The following GPM6A variants were observed in gnomAD, a reference collection of about 807,000 sequenced individuals.
The protein encoded by GPM6A is neuronal membrane glycoprotein M6-a.
GPM6A carries 7 observed loss-of-function variants against 32.1 expected under a neutral mutation model. The ratio of observed to expected loss-of-function variants is 0.22; its 90% CI spans 0.12 to 0.41. GPM6A has a LOEUF of 0.41. Ranked by LOEUF, GPM6A falls within the 10% of genes least tolerant of loss-of-function variation. The probability of loss-of-function intolerance (pLI) is 1.00; values close to 1 mark genes in which losing one functional copy is unlikely to be tolerated. For missense variants in GPM6A, 235 were observed against 347.2 expected (o/e 0.68, Z 2.57); for synonymous variants, 130 against 123.4 (o/e 1.05, Z -0.35).
At chr4:175,999,605 T>A (rs2126474724) in intron 1 of GPM6A, among the ~76,000 whole-genome samples, 1 of 152,294 alleles carries the variant, frequency 6.6e-6, no homozygotes, top group South Asian at 2.1e-4. Flanking sequence ...GATTAACCAA[T>A]TACTCTCATT....
chr4:175,655,503 G>GAT (rs1354353713), intron 3 of GPM6A, among the ~76,000 whole-genome samples: 2 of 151,776 alleles, frequency 1.3e-5, no homozygotes, highest in Admixed American at 6.6e-5. Flanking sequence ...GCATATCATG[G>GAT]ATATATATAT....
At chr4:175,914,450 G>C (rs1256577776) in intron 1 of GPM6A, among the ~76,000 whole-genome samples, 1 of 152,086 alleles carries the variant, frequency 6.6e-6, no homozygotes, top group African/African-American at 2.4e-5. Flanking sequence ...TGCCTCCTGA[G>C]TAGCTGGGAC....
At chr4:175,887,165 A>T (rs1373070716) in intron 1 of GPM6A, among the ~76,000 whole-genome samples, 1 of 152,000 alleles carries the variant, frequency 6.6e-6, no homozygotes, top group Non-Finnish European at 1.5e-5. Flanking sequence ...AAACTTTTAT[A>T]AACACCAATC....
intron 1 of GPM6A, among the ~76,000 whole-genome samples, chr4:175,817,430 CG>C (rs1440713614): frequency 3.9e-5 from 6 of 152,174 alleles, no homozygotes; most frequent in Non-Finnish European, 7.3e-5. Flanking sequence ...AGCCTAGCAG[CG>C]TAGGACAGAC....
At chr4:175,650,286 ATTTATTTAT>A (rs1302733414) in intron 4 of GPM6A, among the ~76,000 whole-genome samples, 2 of 65,720 alleles carry the variant, frequency 3.0e-5, no homozygotes, top group Non-Finnish European at 5.6e-5. Context: ...TTATTTATTT[ATTTATTTAT>A]TTATTTATTT....
chr4:175,695,689 T>C (rs1744539670), intron 2 of GPM6A, among the ~76,000 whole-genome samples: 1 of 152,164 alleles, frequency 6.6e-6, no homozygotes, highest in African/African-American at 2.4e-5. Context: ...CAGATGAGAC[T>C]TTGGACTTTG....
At chr4:175,882,532 G>T (rs1737312617) in intron 1 of GPM6A, among the ~76,000 whole-genome samples, 1 of 151,734 alleles carries the variant, frequency 6.6e-6, no homozygotes, top group South Asian at 2.1e-4. Context: ...TATGGACCTG[G>T]ACTACCATTT....
intron 3 of GPM6A, among the ~76,000 whole-genome samples, chr4:175,668,787 C>A (rs1222421673): frequency 6.6e-6 from 1 of 152,116 alleles, no homozygotes; most frequent in Non-Finnish European, 1.5e-5. Flanking sequence ...AATGAAGGAG[C>A]TTTCCAATGA....
intron 2 of GPM6A, among the ~76,000 whole-genome samples, chr4:175,678,388 C>G (rs551776510): frequency 6.6e-6 from 1 of 152,012 alleles, no homozygotes; most frequent in African/African-American, 2.4e-5. Context: ...AATTAGAGTA[C>G]GACTAGAATG....
intron 1 of GPM6A, among the ~76,000 whole-genome samples, chr4:175,777,515 T>C (rs1349415619): frequency 6.6e-6 from 1 of 152,184 alleles, no homozygotes; most frequent in East Asian, 1.9e-4. Flanking sequence ...AACATTCTCT[T>C]CTTTATTAAC....
chr4:175,892,352 A>C (rs1737674213), intron 1 of GPM6A, among the ~76,000 whole-genome samples: 1 of 152,050 alleles, frequency 6.6e-6, no homozygotes, highest in African/African-American at 2.4e-5. Context: ...ACTTTTTCTC[A>C]CTTCTTGGTC....
intron 1 of GPM6A, among the ~76,000 whole-genome samples, chr4:175,831,220 A>G (rs544598286): frequency 1.3e-5 from 2 of 152,318 alleles, no homozygotes; most frequent in East Asian, 1.9e-4. Context: ...CTGGATAGAA[A>G]AAAAAGAATT....
intron 2 of GPM6A, among the ~76,000 whole-genome samples, chr4:175,687,972 A>G (rs1184327999): frequency 5.9e-5 from 9 of 152,120 alleles, no homozygotes; most frequent in Admixed American, 2.0e-4. Flanking sequence ...CTGTTGGCCA[A>G]TTGTAAGTCT....
intron 1 of GPM6A, among the ~76,000 whole-genome samples, chr4:175,742,189 C>T (rs1247238809): frequency 6.6e-6 from 1 of 152,006 alleles, no homozygotes; most frequent in African/African-American, 2.4e-5. Flanking sequence ...ACTCATATTG[C>T]AATGTGGGAC....
At chr4:175,773,616 T>A (rs1415260920) in intron 1 of GPM6A, among the ~76,000 whole-genome samples, 1 of 152,170 alleles carries the variant, frequency 6.6e-6, no homozygotes, top group Non-Finnish European at 1.5e-5. Flanking sequence ...TGAGAGAAAG[T>A]AATGAAATTT....
At chr4:175,790,204 G>T (rs1203155346) in intron 1 of GPM6A, 1 of 152,012 alleles carries the variant, frequency 6.6e-6, no homozygotes, top group Non-Finnish European at 1.5e-5. Context: ...TCCCCATCTA[G>T]TTAACAGCTT....
Position 175,878,022 on chromosome 4 carries a change from G to A in GPM6A, c.-22-65773C>T, listed in dbSNP as rs531099218. ...CCCCAGCAAGTCCAAAATCCAACAGGGCAGTCAAATATTAAAGCTCTGAAA... is the reference window on the plus strand; with the variant it reads ...CCCCAGCAAGTCCAAAATCCAACAGAGCAGTCAAATATTAAAGCTCTGAAA... On this transcript the variant is annotated intron_variant, in intron 1 of 7. Coordinates refer to the GPM6A transcript ENST00000280187. Among the ~76,000 whole-genome samples the A allele has an allele frequency of 2.6e-5, 4 of 152,252 alleles. No homozygotes were observed. In the South Asian group the frequency reaches 8.3e-4, roughly 32 times the overall value.
chr4:175,660,552 TAAAGGA>T (rs1317417268), intron 3 of GPM6A, among the ~76,000 whole-genome samples: 1 of 152,076 alleles, frequency 6.6e-6, no homozygotes, highest in East Asian at 1.9e-4. Context: ...TAATGCTGAA[TAAAGGA>T]AATATGTTGC....
intron 2 of GPM6A, among the ~76,000 whole-genome samples, chr4:175,693,497 A>G (rs1163143651): frequency 6.6e-6 from 1 of 152,074 alleles, no homozygotes; most frequent in African/African-American, 2.4e-5. Flanking sequence ...TTTCAGAACT[A>G]CAAGTTCATT....
Sources: gnomAD v4.1 joint callset for allele counts (sites outside exome capture counted in the v4.1 genomes callset) on GRCh38, gnomAD v4.1.1 for gene constraint, MANE v1.5 for transcripts, NCBI Gene and HGNC (gene_info 2026-07-23, HGNC 2026-07-21) for gene names.